SPON2: variants seen among roughly 807,000 people sequenced by gnomAD.
The protein encoded by SPON2 is spondin-2.
SPON2 carries 32 observed loss-of-function variants against 29.9 expected under a neutral mutation model. The observed-to-expected ratio is 1.07, with a 90% CI of 0.81 to 1.44. The LOEUF (loss-of-function observed/expected upper bound fraction) is 1.44. Ranked by LOEUF, SPON2 falls within the 40% of genes most tolerant of loss-of-function variation. The pLI is 0.00. For synonymous variants in SPON2, 248 were observed against 209.1 expected (o/e 1.19, Z -1.61); for missense variants, 541 against 455.5 (o/e 1.19, Z -1.71).
Position 1,172,566 on chromosome 4 carries a change from G to C in SPON2, c.-26C>G. The C allele has an allele frequency of 6.1e-6, 1 of 164,252 alleles. No individual in the cohort carries two copies. Among genetic ancestry groups the C allele is most frequent in the Non-Finnish European group, 1.3e-5 (1 of 75,944 alleles). The allele number at this position is 164,252 out of a possible 1,614,324, so 10.2% of individuals were successfully genotyped here. ...CACCCGGCAGGAGCAGCGGGAGCGC[G>C]GCCGGCAGCGGTCGGGTCCCAGCCA... On this transcript the variant is annotated 5_prime_UTR_variant, in exon 1 of 6. Transcript: ENST00000290902.
chr4:1,189,799 T>A (rs1188266851), intron 1 of SPON2, among the ~76,000 whole-genome samples: 1 of 151,296 alleles, frequency 6.6e-6, no homozygotes, highest in Non-Finnish European at 1.5e-5. Context: ...CCATCCTAGC[T>A]AAGATGGTGA....
chr4:1,186,369 T>C lies in SPON2; in HGVS notation c.-238-6828A>G, dbSNP rs991678173. On this transcript the variant is annotated intron_variant, in intron 1 of 3. Transcript: ENST00000502483. Reference sequence around the variant, plus strand: ...CCCAGGCTGGGGTGCAGTGGTGCAATCTTGGCTCACTGCAACTTCTGCCTC... The same window carrying C: ...CCCAGGCTGGGGTGCAGTGGTGCAACCTTGGCTCACTGCAACTTCTGCCTC... Among the ~76,000 whole-genome samples the C allele has an allele frequency of 5.3e-5, 8 of 150,904 alleles. No homozygotes were observed. In the South Asian group the frequency reaches 6.3e-4, roughly 12 times the overall value.
chr4:1,177,049 T>C (rs984454018), upstream of SPON2, among the ~76,000 whole-genome samples: 5 of 152,204 alleles, frequency 3.3e-5, no homozygotes, highest in Non-Finnish European at 7.3e-5. Flanking sequence ...GTTTAGTGAA[T>C]TGGTTGACAG....
chr4:1,195,643 G>C (rs1344942920), upstream of SPON2, among the ~76,000 whole-genome samples: 3 of 152,194 alleles, frequency 2.0e-5, no homozygotes. Context: ...CACAGCCCCA[G>C]GGCCATCAGC....
intron 1 of SPON2, among the ~76,000 whole-genome samples, chr4:1,192,840 C>T (rs1170009570): frequency 6.6e-6 from 1 of 152,224 alleles, no homozygotes; most frequent in Admixed American, 6.5e-5. Flanking sequence ...GCATCAAGCC[C>T]TCACATCAGG....
chr4:1,170,839 G>A (rs957605055), intron 4 of SPON2, 160 bp downstream of exon 4: 18 of 1,101,266 alleles, frequency 1.6e-5, no homozygotes, highest in Admixed American at 4.0e-5. Flanking sequence ...TGGGAGGGCT[G>A]CACCCCCTTG....
At chr4:1,194,345 C>T (rs1727988129) in intron 1 of SPON2, among the ~76,000 whole-genome samples, 1 of 152,212 alleles carries the variant, frequency 6.6e-6, no homozygotes, top group South Asian at 2.1e-4. Flanking sequence ...GGGACCACTT[C>T]AGAGGCGGTT....
At chr4:1,197,742 AG>A (rs1411056613), upstream of SPON2, among the ~76,000 whole-genome samples, 3 of 152,198 alleles carry the variant, frequency 2.0e-5, no homozygotes, top group Non-Finnish European at 4.4e-5. Context: ...CCAGCCCAAA[AG>A]CTGCATCAAG....
At chr4:1,194,720 G>A (rs1379388999) in intron 1 of SPON2, among the ~76,000 whole-genome samples, 3 of 152,072 alleles carry the variant, frequency 2.0e-5, no homozygotes, top group East Asian at 1.9e-4. Flanking sequence ...GGTTTCTGCC[G>A]GGCGCGGGGG....
intron 2 of SPON2, 105 bp downstream of exon 2, chr4:1,171,747 G>A (rs2153077077): frequency 2.3e-6 from 2 of 885,278 alleles, no homozygotes; most frequent in South Asian, 1.4e-5. Flanking sequence ...GTCTCCCGAC[G>A]TCAGCACGCC....
rs371280328 is a variant in SPON2, at chr4:1,170,983, C to T, written c.636+16G>A. 112 of 1,546,410 alleles carry T rather than the reference C, an allele frequency of 7.2e-5. No individual in the cohort carries two copies. The highest frequency in any genetic ancestry group is 9.3e-5 in the Non-Finnish European group (106 of 1,144,356). On this transcript the variant is annotated intron_variant, in intron 4 of 5. Coordinates refer to ENST00000290902, the MANE Select transcript of SPON2 (RefSeq NM_012445.4). ...GGGGCCATAGCGGCCCTTGCGCACG[C>T]GGGGTGCCCACTCACCTCGGTCACC... is the stretch of plus-strand genomic sequence containing the variant.
chr4:1,189,655 A>AAAG (rs1553831575), intron 1 of SPON2, among the ~76,000 whole-genome samples: 3 of 145,662 alleles, frequency 2.1e-5, no homozygotes, highest in African/African-American at 7.8e-5. Flanking sequence ...AAAAAAAAAA[A>AAAG]AAAGAAAGAA....
intron 1 of SPON2, among the ~76,000 whole-genome samples, chr4:1,186,758 A>G (rs1208410429): frequency 6.6e-6 from 1 of 152,260 alleles, no homozygotes; most frequent in African/African-American, 2.4e-5. Context: ...CAAATGGTCA[A>G]TAAGCAAATG....
intron 1 of SPON2, among the ~76,000 whole-genome samples, chr4:1,186,514 G>A (rs1727810913): frequency 6.6e-6 from 1 of 152,082 alleles, no homozygotes; most frequent in African/African-American, 2.4e-5. Flanking sequence ...GTGTTGCCCA[G>A]GCTGGTCTCA....
At chr4:1,167,814 A>G in intron 5 of SPON2, 158 bp from the exon 6 acceptor site, 1 of 702,426 alleles carries the variant, frequency 1.4e-6, no homozygotes, top group Non-Finnish European at 2.2e-6. Context: ...GTGAGCGGCA[A>G]GATGGGATGG....
chr4:1,194,575 C>G (rs547945275), intron 1 of SPON2, among the ~76,000 whole-genome samples: 1 of 152,306 alleles, frequency 6.6e-6, no homozygotes, highest in East Asian at 1.9e-4. Flanking sequence ...GGGCTCCGTC[C>G]TCTTCTCTGG....
At chr4:1,206,642 C>G (rs1272981648) in intron 1 of SPON2, among the ~76,000 whole-genome samples, 3 of 152,290 alleles carry the variant, frequency 2.0e-5, no homozygotes, top group Non-Finnish European at 4.4e-5. Flanking sequence ...ATAGAAGGAG[C>G]CTCCCCAGGC....
chr4:1,168,680 C>G (rs558178424), intron 5 of SPON2, among the ~76,000 whole-genome samples: 9 of 152,338 alleles, frequency 5.9e-5, no homozygotes, highest in Non-Finnish European at 1.2e-4. Flanking sequence ...TGACTGAAAC[C>G]GAGGTGGTGG....
At chr4:1,193,188 C>T (rs1460195128) in intron 1 of SPON2, among the ~76,000 whole-genome samples, 1 of 152,218 alleles carries the variant, frequency 6.6e-6, no homozygotes, top group East Asian at 1.9e-4. Flanking sequence ...TGAGGCTGAC[C>T]CTGCCTTTGA....
Sources: gnomAD v4.1 joint callset for allele counts (sites outside exome capture counted in the v4.1 genomes callset) on GRCh38, gnomAD v4.1.1 for gene constraint, MANE v1.5 for transcripts, NCBI Gene and HGNC (gene_info 2026-07-23, HGNC 2026-07-21) for gene names.